HS6ST3: variants seen among roughly 807,000 people sequenced by gnomAD.
HS6ST3 encodes the protein heparan sulfate 6-O-sulfotransferase 3.
In HS6ST3, 12 loss-of-function variants were observed where a neutral mutation model predicts 36.7. The observed-to-expected ratio is 0.33, with a 90% CI of 0.21 to 0.53. The LOEUF (loss-of-function observed/expected upper bound fraction) is 0.53. Ranked by LOEUF, HS6ST3 falls within the 20% of genes least tolerant of loss-of-function variation. HS6ST3 has a pLI of 0.95. For synonymous variants in HS6ST3, 240 were observed against 257.5 expected (o/e 0.93, Z 0.65); for missense variants, 584 against 640.9 (o/e 0.91, Z 0.96).
At chr13:96,426,663 G>A (rs2055588735) in intron 1 of HS6ST3, among the ~76,000 whole-genome samples, 1 of 152,032 alleles carries the variant, frequency 6.6e-6, no homozygotes, top group Non-Finnish European at 1.5e-5. Flanking sequence ...TTATTGAAAG[G>A]GTTTTGAGAT....
At chr13:96,828,328 T>C (rs149824046) in intron 1 of HS6ST3, among the ~76,000 whole-genome samples, 70 of 152,324 alleles carry the variant, frequency 4.6e-4, no homozygotes, top group African/African-American at 1.7e-3. Context: ...GTTTTAAATA[T>C]TGCAGCTGAT....
intron 1 of HS6ST3, among the ~76,000 whole-genome samples, chr13:96,379,456 C>T (rs1056895279): frequency 6.6e-6 from 1 of 152,214 alleles, no homozygotes; most frequent in Non-Finnish European, 1.5e-5. Flanking sequence ...TCACTAGACA[C>T]TGGATCTGAC....
intron 1 of HS6ST3, among the ~76,000 whole-genome samples, chr13:96,533,225 G>A (rs1031942413): frequency 1.3e-5 from 2 of 152,240 alleles, no homozygotes; most frequent in East Asian, 1.9e-4. Flanking sequence ...GATTCTTCAG[G>A]GGGGTAGAGA....
chr13:96,635,830 T>TG (rs1385296753), intron 1 of HS6ST3, among the ~76,000 whole-genome samples: 5 of 152,082 alleles, frequency 3.3e-5, no homozygotes, highest in Admixed American at 3.3e-4. Flanking sequence ...ACACTGGATG[T>TG]GGGAGATGTA....
At chr13:96,235,682 A>G (rs971789457) in intron 1 of HS6ST3, among the ~76,000 whole-genome samples, 1 of 152,030 alleles carries the variant, frequency 6.6e-6, no homozygotes, top group Non-Finnish European at 1.5e-5. Context: ...AACAGATATA[A>G]CACCTTTACC....
At chr13:96,721,814 G>A (rs1373605437) in intron 1 of HS6ST3, among the ~76,000 whole-genome samples, 1 of 152,168 alleles carries the variant, frequency 6.6e-6, no homozygotes. Context: ...TTACTGCAGT[G>A]AAACTTATGA....
At chr13:96,250,716 C>T (rs906088350) in intron 1 of HS6ST3, among the ~76,000 whole-genome samples, 2 of 152,160 alleles carry the variant, frequency 1.3e-5, no homozygotes, top group African/African-American at 4.8e-5. Context: ...CCTCCAACTT[C>T]TCTCCGTTCG....
At chr13:96,790,719 T>C (rs1877766683) in intron 1 of HS6ST3, among the ~76,000 whole-genome samples, 1 of 152,048 alleles carries the variant, frequency 6.6e-6, no homozygotes, top group Non-Finnish European at 1.5e-5. Context: ...TTTGAGGCCA[T>C]GATGAAATAC....
At chr13:96,386,802 G>T (rs983326473) in intron 1 of HS6ST3, among the ~76,000 whole-genome samples, 4 of 152,156 alleles carry the variant, frequency 2.6e-5, no homozygotes, top group African/African-American at 9.7e-5. Flanking sequence ...GGAGGCAGAG[G>T]TTGCAGTGAG....
At chr13:96,486,883 C>CA (rs571779287) in intron 1 of HS6ST3, among the ~76,000 whole-genome samples, 1 of 152,062 alleles carries the variant, frequency 6.6e-6, no homozygotes, top group Non-Finnish European at 1.5e-5. Flanking sequence ...TATTCCGTAG[C>CA]AAAAATGCCC....
At chr13:96,452,200 C>T (rs937725802) in intron 1 of HS6ST3, among the ~76,000 whole-genome samples, 2 of 152,124 alleles carry the variant, frequency 1.3e-5, no homozygotes, top group South Asian at 2.1e-4. Context: ...GAGAACATAA[C>T]CCTCAGCACA....
chr13:96,543,579 T>G (rs1417501582), intron 1 of HS6ST3, among the ~76,000 whole-genome samples: 3 of 152,206 alleles, frequency 2.0e-5, no homozygotes, highest in Admixed American at 2.0e-4. Context: ...CTCTTAGCTA[T>G]ACAAAGGTTG....
chr13:96,234,407 A>G (rs146353986), intron 1 of HS6ST3, among the ~76,000 whole-genome samples: 4 of 152,250 alleles, frequency 2.6e-5, no homozygotes, highest in African/African-American at 9.6e-5. Flanking sequence ...AAAAAAACCA[A>G]AAAACAAAAA....
At chr13:96,621,720 GA>G (rs2056495869) in intron 1 of HS6ST3, among the ~76,000 whole-genome samples, 2 of 152,006 alleles carry the variant, frequency 1.3e-5, no homozygotes, top group South Asian at 4.2e-4. Context: ...GGCAAATGCT[GA>G]AAAAAATAAA....
chr13:96,688,225 AATCATCATCATC>A (rs148867542), intron 1 of HS6ST3, among the ~76,000 whole-genome samples: 8 of 23,314 alleles, frequency 3.4e-4, no homozygotes, highest in Non-Finnish European at 5.4e-4. Flanking sequence ...TAATAATAAT[AATCATCATCATC>A]ATAATAAAAA....
intron 1 of HS6ST3, among the ~76,000 whole-genome samples, chr13:96,803,065 C>T (rs559470960): frequency 6.6e-6 from 1 of 152,240 alleles, no homozygotes; most frequent in East Asian, 1.9e-4. Context: ...AACCAAAGGA[C>T]TTTCAAATGA....
chr13:96,602,618 C>T (rs941374022), intron 1 of HS6ST3, among the ~76,000 whole-genome samples: 7 of 152,168 alleles, frequency 4.6e-5, no homozygotes, highest in African/African-American at 1.7e-4. Flanking sequence ...TGAGGGCTTT[C>T]TGGAGTATGG....
At chr13:96,464,019 GTTTTT>G (rs66703746) in intron 1 of HS6ST3, among the ~76,000 whole-genome samples, 1 of 127,434 alleles carries the variant, frequency 7.8e-6, no homozygotes, top group Non-Finnish European at 1.6e-5. Context: ...CCATAGACAG[GTTTTT>G]TTTTTTTTTT....
At chr13:96,257,008 C>T (rs1320466742) in intron 1 of HS6ST3, among the ~76,000 whole-genome samples, 2 of 152,164 alleles carry the variant, frequency 1.3e-5, no homozygotes, top group African/African-American at 4.8e-5. Flanking sequence ...TGGAGCATTT[C>T]TCAAAAGGAC....
Sources: gnomAD v4.1 joint callset for allele counts (sites outside exome capture counted in the v4.1 genomes callset) on GRCh38, gnomAD v4.1.1 for gene constraint, MANE v1.5 for transcripts, NCBI Gene and HGNC (gene_info 2026-07-23, HGNC 2026-07-21) for gene names.